The following KCNH1 variants were observed in gnomAD, a reference collection of about 807,000 sequenced individuals.
KCNH1 encodes the protein potassium voltage-gated channel subfamily H member 1.
KCNH1 carries 27 observed loss-of-function variants against 69.2 expected under a neutral mutation model. The observed-to-expected ratio is 0.39, with a 90% CI of 0.29 to 0.54. KCNH1 has a LOEUF of 0.54. Ranked by LOEUF, KCNH1 falls within the 20% of genes least tolerant of loss-of-function variation. The probability of loss-of-function intolerance (pLI) is 0.68; values close to 1 mark genes in which losing one functional copy is unlikely to be tolerated. For synonymous variants in KCNH1, 456 were observed against 487.7 expected (o/e 0.93, Z 0.86); for missense variants, 798 against 1,261.6 (o/e 0.63, Z 5.57).
chr1:210,850,805 AT>A, intron 7 of KCNH1, among the ~76,000 whole-genome samples: 1 of 152,312 alleles, frequency 6.6e-6, no homozygotes, highest in South Asian at 2.1e-4. Context: ...GAAAGGGAAA[AT>A]AGGCTTTGTT....
In KCNH1 at chr1:210,862,247, T is replaced by A. The variant is rs1305952613; in HGVS notation, c.1462+57393A>T. 5.5e-6 allele frequency: 6 copies of A among 1,091,608 alleles called. No individual in the cohort carries two copies. The African/African-American group carries it at 9.3e-5, about 17-fold the overall frequency. 67.6% of individuals were successfully genotyped at this position (1,091,608 alleles called of 1,614,324 possible). On this transcript the variant is annotated intron_variant, in intron 7 of 10. Transcript: ENST00000271751. ...GCCTCTTGCAGGGCTGGGTCCATGGTGCCCCGCAGGGCCTCGATAATGGTG... is the reference window on the plus strand; with the variant it reads ...GCCTCTTGCAGGGCTGGGTCCATGGAGCCCCGCAGGGCCTCGATAATGGTG...
chr1:211,065,160 A>G (rs922859494), intron 5 of KCNH1, among the ~76,000 whole-genome samples: 3 of 152,086 alleles, frequency 2.0e-5, no homozygotes, highest in Non-Finnish European at 2.9e-5. Context: ...AATGAAATCA[A>G]TATGTCAAAG....
intron 10 of KCNH1, among the ~76,000 whole-genome samples, chr1:210,773,814 T>C (rs1032556960): frequency 1.3e-5 from 2 of 152,230 alleles, no homozygotes; most frequent in African/African-American, 2.4e-5. Flanking sequence ...CATTAGACTT[T>C]AGGTTCCCAG....
chr1:210,771,670 T>A (rs1324807699), intron 10 of KCNH1, among the ~76,000 whole-genome samples: 1 of 152,240 alleles, frequency 6.6e-6, no homozygotes, highest in Non-Finnish European at 1.5e-5. Context: ...TATGTAGTAG[T>A]AGGCTTCATG....
intron 5 of KCNH1, among the ~76,000 whole-genome samples, chr1:211,021,012 C>T (rs1430961808): frequency 6.6e-6 from 1 of 152,142 alleles, no homozygotes; most frequent in Non-Finnish European, 1.5e-5. Flanking sequence ...CAGCAACCTG[C>T]ATGAGATTGG....
intron 6 of KCNH1, among the ~76,000 whole-genome samples, chr1:210,991,659 A>G (rs969416569): frequency 1.3e-5 from 2 of 151,680 alleles, no homozygotes; most frequent in African/African-American, 4.8e-5. Flanking sequence ...TACACACCAG[A>G]AAAAAAAGGT....
chr1:210,997,328 C>G (rs1036620482), intron 6 of KCNH1, among the ~76,000 whole-genome samples: 3 of 152,138 alleles, frequency 2.0e-5, no homozygotes, highest in Admixed American at 1.3e-4. Context: ...GGAGCTGATG[C>G]AGCTGAAAGC....
intron 1 of KCNH1, among the ~76,000 whole-genome samples, chr1:211,128,355 C>T (rs1283718047): frequency 6.6e-6 from 1 of 151,392 alleles, no homozygotes; most frequent in African/African-American, 2.4e-5. Context: ...GAATTGCCAC[C>T]CGACAAAAGA....
rs180785062 is a variant in KCNH1, at chr1:210,772,689, G to A, written c.2112+2659C>T. On this transcript the variant is annotated intron_variant, in intron 10 of 10. Coordinates refer to ENST00000271751, the MANE Select transcript of KCNH1 (RefSeq NM_172362.3). ...CCCTTCCACAATGTTTCTGAATATGGGTACCTAGGAGATGCCTAAGTACCC... is the reference window on the plus strand; with the variant it reads ...CCCTTCCACAATGTTTCTGAATATGAGTACCTAGGAGATGCCTAAGTACCC... 9.7e-4 allele frequency among the ~76,000 whole-genome samples: 148 copies of A among 152,000 alleles called. No individual in the cohort carries two copies. The Middle Eastern group carries it at 0.014, about 14-fold the overall frequency.
chr1:210,792,100 G>A (rs956070287), intron 9 of KCNH1, among the ~76,000 whole-genome samples: 1 of 151,820 alleles, frequency 6.6e-6, no homozygotes, highest in Non-Finnish European at 1.5e-5. Flanking sequence ...CTCCTCCTCT[G>A]GCCCTGTTGA....
intron 5 of KCNH1, among the ~76,000 whole-genome samples, chr1:211,079,332 A>G (rs990818982): frequency 3.3e-5 from 5 of 152,206 alleles, no homozygotes; most frequent in Admixed American, 6.5e-5. Context: ...TTAATAGCCT[A>G]CCAACCAAAA....
chr1:211,029,634 A>G (rs4951706), intron 5 of KCNH1, among the ~76,000 whole-genome samples: 113,343 of 151,928 alleles, frequency 0.75, 43,157 homozygotes, highest in East Asian at 0.89. Context: ...TTCCCCCTAC[A>G]ACAAGGAACA....
At chr1:211,002,279 C>T (rs529271298) in intron 6 of KCNH1, among the ~76,000 whole-genome samples, 5 of 144,764 alleles carry the variant, frequency 3.5e-5, no homozygotes, top group South Asian at 4.5e-4. Flanking sequence ...CATATATATA[C>T]GTATGTATAC....
intron 7 of KCNH1, among the ~76,000 whole-genome samples, chr1:210,816,008 T>G (rs1386749771): frequency 6.6e-6 from 1 of 152,158 alleles, no homozygotes; most frequent in African/African-American, 2.4e-5. Flanking sequence ...TGGAAATAAG[T>G]CACTTTCTTT....
At chr1:211,047,733 T>C (rs918996130) in intron 5 of KCNH1, among the ~76,000 whole-genome samples, 6 of 152,180 alleles carry the variant, frequency 3.9e-5, no homozygotes, top group Non-Finnish European at 5.9e-5. Flanking sequence ...CTAATACTTA[T>C]GTCAACAAAA....
chr1:210,718,215 C>A, intron 10 of KCNH1, among the ~76,000 whole-genome samples: 2 of 137,952 alleles, frequency 1.4e-5, no homozygotes, highest in African/African-American at 5.5e-5. Context: ...ATGTAATCAG[C>A]ATAAAAAATT....
rs2102508975 is a variant in KCNH1 at position 211,134,141 on chromosome 1, C to T, written c.-196G>A. On this transcript the variant is annotated 5_prime_UTR_variant, in exon 1 of 11. Coordinates refer to ENST00000271751, the MANE Select transcript of KCNH1 (RefSeq NM_172362.3). This position sits in a 1 kb window ranked among gnomAD's most constrained non-coding sequence, Gnocchi z 5.7. ...GCGCCTCCCTCCCTGCGGCCCGCCTCGCAGTGCACTCGCGCCGGCCTCGGC... is the reference window on the plus strand; with the variant it reads ...GCGCCTCCCTCCCTGCGGCCCGCCTTGCAGTGCACTCGCGCCGGCCTCGGC... The T allele has an allele frequency of 2.2e-6, 1 of 447,960 alleles. No homozygotes were observed. The highest frequency in any genetic ancestry group is 3.9e-6 in the Non-Finnish European group (1 of 254,396). 27.7% of individuals were successfully genotyped at this position (447,960 alleles called of 1,614,324 possible).
chr1:210,847,847 C>T (rs1168469412), intron 7 of KCNH1, among the ~76,000 whole-genome samples: 5 of 152,104 alleles, frequency 3.3e-5, no homozygotes, highest in Non-Finnish European at 5.9e-5. Context: ...TTAGCATCTC[C>T]TTCGTGACCA....
intron 7 of KCNH1, among the ~76,000 whole-genome samples, chr1:210,831,097 G>A (rs111377011): frequency 0.094 from 14,358 of 152,248 alleles, 717 homozygotes; most frequent in Non-Finnish European, 0.11. Context: ...GAGAAAGCGT[G>A]ATTTTGTCAT....
Sources: allele counts gnomAD v4.1 joint callset (sites outside exome capture counted in the v4.1 genomes callset), GRCh38; gene constraint gnomAD v4.1.1; non-coding constraint Gnocchi (gnomAD v3.1); transcripts MANE v1.5; gene names NCBI Gene and HGNC (gene_info 2026-07-23, HGNC 2026-07-21).